Variants in ARMC5 observed in about 807,000 individuals in gnomAD.
The protein encoded by ARMC5 is armadillo repeat containing 5.
A neutral mutation model predicts 60.5 loss-of-function variants in ARMC5; 28 were observed. That is an observed-to-expected ratio of 0.46 (90% CI 0.34 to 0.63). The LOEUF (loss-of-function observed/expected upper bound fraction) is 0.63. Ranked by LOEUF, ARMC5 falls within the 30% of genes least tolerant of loss-of-function variation. The pLI is 0.01. For synonymous variants in ARMC5, 680 were observed against 607.3 expected (o/e 1.12, Z -1.76); for missense variants, 1,189 against 1,304.9 (o/e 0.91, Z 1.37).
chr16:31,462,896 G>A lies in ARMC5; in HGVS notation c.1349G>A (p.Gly450Asp), dbSNP rs1186319427. 1 of 1,604,042 alleles carries A rather than the reference G, an allele frequency of 6.2e-7. No individual in the cohort carries two copies. The highest frequency in any genetic ancestry group is 8.5e-7 in the Non-Finnish European group (1 of 1,175,040). ...GAGAGGACCCCTGAGCGGGCACAGG[G>A]TGGAAGCTTCCGGAGCCTCAGGTGA... ...PEERTPERAQ[G>D]GSFRSLRSWL... The change falls in exon 3 of 6, where the codon GGT becomes GAT. Residue 450 changes from glycine to aspartate, a missense_variant. Transcript: ENST00000268314. This position sits in a 1 kb window ranked among gnomAD's most constrained non-coding sequence, Gnocchi z 7.2.
chr16:31,465,066 C>G, intron 4 of ARMC5, 179 bp downstream of exon 4: 1 of 1,613,974 alleles, frequency 6.2e-7, no homozygotes, highest in African/African-American at 1.3e-5. Flanking sequence ...CATGGGCCCA[C>G]AGGCAGAGTT....
At chr16:31,459,153 T>G, upstream of ARMC5, 1 of 1,503,626 alleles carries the variant, frequency 6.7e-7, no homozygotes, top group Non-Finnish European at 8.8e-7. Flanking sequence ...CCCCGCCGAG[T>G]GCACGCCGGG....
rs901421525 is a variant in ARMC5 at position 31,466,901 on chromosome 16, C to T, written c.*12C>T. On this transcript the variant is annotated 3_prime_UTR_variant, in exon 6 of 6. Transcript: ENST00000268314. This position sits in a 1 kb window ranked among gnomAD's most constrained non-coding sequence, Gnocchi z 8.0. Reference sequence around the variant, plus strand: ...GGGTCCCTGCCTAGACTGTTGACGTCCCCTGGGAAGGGGACCCAAGGATGA... The same window carrying T: ...GGGTCCCTGCCTAGACTGTTGACGTTCCCTGGGAAGGGGACCCAAGGATGA... 1.3e-6 allele frequency: 2 copies of T among 1,511,374 alleles called. No homozygotes were observed. Among genetic ancestry groups the T allele is most frequent in the Non-Finnish European group, 8.8e-7 (1 of 1,132,196 alleles). The allele number at this position is 1,511,374 out of a possible 1,614,324, so 93.6% of individuals were successfully genotyped here.
intron 3 of ARMC5, among the ~76,000 whole-genome samples, chr16:31,463,591 G>A (rs1001186505): frequency 3.3e-5 from 5 of 152,018 alleles, no homozygotes; most frequent in Non-Finnish European, 7.4e-5. Flanking sequence ...TTAAACATTA[G>A]CGTTGGGGAT....
upstream of ARMC5, chr16:31,459,366 A>T (rs925756742): frequency 1.4e-5 from 22 of 1,536,112 alleles, no homozygotes; most frequent in Non-Finnish European, 1.8e-5. Context: ...GTGTGCAAGG[A>T]CAGACTTCCG....
upstream of ARMC5, chr16:31,459,365 G>C (rs1432564109): frequency 3.3e-6 from 5 of 1,536,224 alleles, no homozygotes; most frequent in Non-Finnish European, 4.4e-6. Context: ...CGTGTGCAAG[G>C]ACAGACTTCC....
At position 31,466,066 on chromosome 16, in the gene ARMC5, C is replaced by T. The variant is rs1480495557; in HGVS notation, c.1998-13C>T. 2 of 1,595,246 alleles carry T rather than the reference C, an allele frequency of 1.3e-6. No homozygotes were observed. Among genetic ancestry groups the T allele is most frequent in the Non-Finnish European group, 1.7e-6 (2 of 1,177,194 alleles). ...CGTTGCCCACCTTTTGAAAGGCCCT[C>T]TCTTCCCTGTAGGAAGCCCTCTCTG... On this transcript the variant is annotated splice_polypyrimidine_tract_variant and intron_variant, in intron 5 of 5. Transcript: ENST00000268314. The surrounding 1 kb of genome is among the most constrained non-coding windows in gnomAD (Gnocchi z 8.0).
At chr16:31,465,012 C>T (rs753716929) in intron 4 of ARMC5, 125 bp downstream of exon 4, 3 of 1,611,786 alleles carry the variant, frequency 1.9e-6, no homozygotes, top group Admixed American at 1.7e-5. Flanking sequence ...CTCCAGACAA[C>T]CTGTCACCAG....
chr16:31,460,283 T>C (rs4889660), intron 1 of ARMC5: 360,432 of 418,396 alleles, frequency 0.86, 155,955 homozygotes, highest in African/African-American at 0.96. Flanking sequence ...TATTTGGTGA[T>C]TTTTTCAGAT....
intron 4 of ARMC5, chr16:31,465,106 C>T: frequency 2.5e-6 from 4 of 1,614,038 alleles, no homozygotes; most frequent in Admixed American, 1.7e-5. Flanking sequence ...AGCCCTGGGA[C>T]CCAGATACCC....
Position 31,462,251 on chromosome 16 carries a change from A to G in ARMC5, c.704A>G (p.Gln235Arg). 6.2e-7 allele frequency: 1 copy of G among 1,609,970 alleles called. No homozygotes were observed. Among genetic ancestry groups the G allele is most frequent in the Non-Finnish European group, 8.5e-7 (1 of 1,179,990 alleles). Residue 235 changes from glutamine to arginine, a missense_variant, in exon 3 of 6, where the codon CAG (glutamine) becomes CGG (arginine). Gln to Arg is a conservative substitution (Grantham distance 43, BLOSUM62 1). Around this residue, in one of 2 missense-constraint regions of ARMC5, gnomAD observed 862 missense variants for 1,071.2 expected, o/e 0.80. Transcript: ENST00000268314. This position sits in a 1 kb window ranked among gnomAD's most constrained non-coding sequence, Gnocchi z 7.2. The part of the protein sequence containing the change: ...DSPQHRLALA[Q>R]QGAVRPLAEL... Reference sequence around the variant, plus strand: ...CCCCAGCACCGCCTGGCCTTGGCACAGCAGGGAGCAGTGCGTCCGCTGGCC... The same window carrying G: ...CCCCAGCACCGCCTGGCCTTGGCACGGCAGGGAGCAGTGCGTCCGCTGGCC...
chr16:31,459,549 A>G lies in ARMC5; in HGVS notation c.25A>G (p.Thr9Ala), dbSNP rs1429414622. ...GATGGCGGCTGCGAAGCCAACCCTC[A>G]CGGACTCGCTCTCGTTCTGCCTCGC... MAAAKPTL[T>A]DSLSFCLAQL... The change falls in exon 1 of 6, where the codon ACG becomes GCG. Residue 9 changes from threonine (T) to alanine (A), a missense_variant. This residue lies in a region of ARMC5 where 327 missense variants were observed against 233.7 expected (regional missense o/e 1.40). Transcript: ENST00000268314. 6.2e-7 allele frequency: 1 copy of G among 1,605,898 alleles called. No homozygotes were observed. Among genetic ancestry groups the G allele is most frequent in the East Asian group, 2.2e-5 (1 of 44,754 alleles).
At position 31,466,547 on chromosome 16, in the gene ARMC5, A is replaced by G. The variant is rs764898676; in HGVS notation, c.2466A>G (p.Pro822=). 6.2e-7 allele frequency: 1 copy of G among 1,608,186 alleles called. No homozygotes were observed. The highest frequency in any genetic ancestry group is 8.5e-7 in the Non-Finnish European group (1 of 1,179,240). ...GCGAALGPVP[P]PGQPLLGSEA... is the part of the protein sequence containing the mutation. Reference sequence around the variant, plus strand: ...GGGCTGCCCTGGGGCCCGTGCCCCCACCAGGCCAGCCCCTGCTGGGTTCAG... The same window carrying G: ...GGGCTGCCCTGGGGCCCGTGCCCCCGCCAGGCCAGCCCCTGCTGGGTTCAG... The change falls in exon 6 of 6, where the codon CCA becomes CCG. Residue 822 remains proline (P), a synonymous_variant. Coordinates refer to ENST00000268314, the MANE Select transcript of ARMC5 (RefSeq NM_001105247.2). The surrounding 1 kb of genome is among the most constrained non-coding windows in gnomAD (Gnocchi z 8.0).
chr16:31,461,847 G>A, intron 1 of ARMC5, 75 bp from the exon 2 acceptor site: 1 of 1,407,092 alleles, frequency 7.1e-7, no homozygotes, highest in Non-Finnish European at 1.0e-6. Flanking sequence ...GGCCCTCTCA[G>A]GCCACATTCT....
intron 1 of ARMC5, 61 bp from the exon 2 acceptor site, chr16:31,461,861 G>T (rs1246208121): frequency 6.7e-7 from 1 of 1,488,558 alleles, no homozygotes; most frequent in Non-Finnish European, 9.4e-7. Flanking sequence ...ACATTCTCCA[G>T]GTTATTGATG....
chr16:31,462,358 C>T lies in ARMC5; in HGVS notation c.811C>T (p.Arg271Trp), dbSNP rs568945525. 4.3e-6 allele frequency: 7 copies of T among 1,609,786 alleles called. No homozygotes were observed. The highest frequency in any genetic ancestry group is 1.7e-5 in the Admixed American group (1 of 59,952). ...CCTGGAACTCAGCCGAGGCTGCTCC[C>T]GGGCCTGTGCTGAGCAGCTAAGTCT... is the stretch of plus-strand genomic sequence containing the variant. Reference protein sequence around the residue: ...ALLELSRGCSRACAEQLSLGG... With the variant: ...ALLELSRGCSWACAEQLSLGG... The change falls in exon 3 of 6, where the codon CGG becomes TGG. Residue 271 changes from arginine to tryptophan, a missense_variant. Physicochemically the swap from Arg to Trp is moderately radical, Grantham distance 101. This residue lies in a region of ARMC5 where 862 missense variants were observed against 1,071.2 expected (regional missense o/e 0.80). Coordinates refer to ENST00000268314, the MANE Select transcript of ARMC5 (RefSeq NM_001105247.2). This position sits in a 1 kb window ranked among gnomAD's most constrained non-coding sequence, Gnocchi z 7.2.
At position 31,459,626 on chromosome 16, in the gene ARMC5, G is replaced by C; in HGVS notation, c.102G>C (p.Ala34=). Residue 34 remains alanine, a synonymous_variant, in exon 1 of 6, where the codon GCG becomes GCC. Transcript: ENST00000268314. ...CTCTGGGTGGGGAAAAGGACCCAGCGACCAACGAGACACCCCTGAGCCGCG... is the reference window on the plus strand; with the variant it reads ...CTCTGGGTGGGGAAAAGGACCCAGCCACCAACGAGACACCCCTGAGCCGCG... The part of the protein sequence containing the change: ...GEALGGEKDP[A]TNETPLSRAL... The C allele has an allele frequency of 6.3e-7, 1 of 1,597,644 alleles. No homozygotes were observed. Among genetic ancestry groups the C allele is most frequent in the Non-Finnish European group, 8.5e-7 (1 of 1,178,988 alleles).
At chr16:31,463,653 C>G (rs1298387382) in intron 3 of ARMC5, among the ~76,000 whole-genome samples, 1 of 152,164 alleles carries the variant, frequency 6.6e-6, no homozygotes, top group Non-Finnish European at 1.5e-5. Context: ...AGTGACCCTC[C>G]TGGCTCAGCC....
chr16:31,459,957 T>C lies in ARMC5; in HGVS notation c.433T>C (p.Cys145Arg). The C allele has an allele frequency of 1.9e-6, 3 of 1,602,576 alleles. No homozygotes were observed. The highest frequency in any genetic ancestry group is 2.5e-6 in the Non-Finnish European group (3 of 1,179,450). The change falls in exon 1 of 6, where the codon TGC becomes CGC. Residue 145 changes from cysteine (C) to arginine (R), a missense_variant. Cys to Arg is a radical substitution (Grantham distance 180). Transcript: ENST00000268314. ...ILADCCTEGA[C>R]RTEVRRLGGI... is the part of the protein sequence containing the mutation. Reference sequence around the variant, plus strand: ...AGCCGATTGCTGTACGGAAGGGGCGTGCCGGACCGAAGTGCGCAGACTCGG... The same window carrying C: ...AGCCGATTGCTGTACGGAAGGGGCGCGCCGGACCGAAGTGCGCAGACTCGG...
Sources: allele counts gnomAD v4.1 joint callset (sites outside exome capture counted in the v4.1 genomes callset), GRCh38; gene constraint gnomAD v4.1.1; regional missense constraint gnomAD v4.1.1; non-coding constraint Gnocchi (gnomAD v3.1); transcripts MANE v1.5; gene names NCBI Gene and HGNC (gene_info 2026-07-23, HGNC 2026-07-21).